The following SCHIP1 variants were observed in gnomAD, a reference collection of about 807,000 sequenced individuals.
SCHIP1 encodes the protein schwannomin interacting protein 1, also known as schwannomin-interacting protein 1.
A neutral mutation model predicts 29.7 loss-of-function variants in SCHIP1; 8 were observed. The ratio of observed to expected loss-of-function variants is 0.27; its 90% CI spans 0.16 to 0.49. The LOEUF (loss-of-function observed/expected upper bound fraction) is 0.49, where lower values mean the gene tolerates loss of function less well. Among genes scored for constraint, SCHIP1 ranks in the 20% least tolerant of loss-of-function variants. The pLI, the probability that SCHIP1 is intolerant of heterozygous loss-of-function variation, is 0.99. For synonymous variants in SCHIP1, 76 were observed against 94.9 expected, an observed-to-expected ratio of 0.80 and a Z score of 1.16; for missense variants, 193 against 294.6, an observed-to-expected ratio of 0.66 and a Z score of 2.52.
At chr3:159,615,146 G>A in the SCHIP1 span, among the ~76,000 whole-genome samples, 5 of 152,180 alleles carry the variant, frequency 3.3e-5, no homozygotes, top group African/African-American at 9.7e-5. Flanking sequence ...GGCATTCCAG[G>A]AAGAAGGTAC....
chr3:159,691,589 G>A, the SCHIP1 span, among the ~76,000 whole-genome samples: 1 of 151,920 alleles, frequency 6.6e-6, no homozygotes, highest in Admixed American at 6.6e-5. Context: ...GGGCCATTTA[G>A]CCCATTTACA....
chr3:159,684,935 G>C, the SCHIP1 span, among the ~76,000 whole-genome samples: 1 of 151,602 alleles, frequency 6.6e-6, no homozygotes, highest in East Asian at 1.9e-4. Context: ...GCTGGATCCT[G>C]CTTAACCTGA....
chr3:159,753,349 A>C, the SCHIP1 span, among the ~76,000 whole-genome samples: 1 of 152,120 alleles, frequency 6.6e-6, no homozygotes, highest in East Asian at 1.9e-4. Context: ...TCCAAAAAGG[A>C]TTCACTGTCT....
At chr3:159,741,401 G>A in the SCHIP1 span, among the ~76,000 whole-genome samples, 1,764 of 152,206 alleles carry the variant, frequency 0.012, 28 homozygotes, top group African/African-American at 0.04. Context: ...CCAGTTTCAT[G>A]GAATTTTAGA....
At chr3:159,455,070 G>A in the SCHIP1 span, among the ~76,000 whole-genome samples, 1 of 151,966 alleles carries the variant, frequency 6.6e-6, no homozygotes, top group Non-Finnish European at 1.5e-5. Context: ...TTACTGTAAA[G>A]GAAAAAAGAG....
chr3:159,379,131 T>C, the SCHIP1 span, among the ~76,000 whole-genome samples: 2 of 152,196 alleles, frequency 1.3e-5, no homozygotes, highest in Non-Finnish European at 2.9e-5. Context: ...TTTTATAGCC[T>C]GTGGTGGCTT....
chr3:159,610,373 G>A, the SCHIP1 span, among the ~76,000 whole-genome samples: 1 of 152,176 alleles, frequency 6.6e-6, no homozygotes, highest in East Asian at 1.9e-4. Context: ...CATTTTCCAG[G>A]CATGAATCCG....
chr3:159,828,396 CGT>C, the SCHIP1 span, among the ~76,000 whole-genome samples: 18 of 60,138 alleles, frequency 3.0e-4, 4 homozygotes, highest in Admixed American at 3.8e-3. Context: ...TACATATATA[CGT>C]ATATATATAC....
the SCHIP1 span, among the ~76,000 whole-genome samples, chr3:159,428,146 A>C: frequency 3.3e-5 from 5 of 151,680 alleles, no homozygotes; most frequent in Non-Finnish European, 7.4e-5. Context: ...CAAGGACTTC[A>C]TGTCTAAAAC....
the SCHIP1 span, among the ~76,000 whole-genome samples, chr3:159,317,150 T>C: frequency 6.6e-6 from 1 of 152,198 alleles, no homozygotes; most frequent in Non-Finnish European, 1.5e-5. Context: ...CTAATGGATC[T>C]CCTGTATTCC....
chr3:159,293,667 A>G, the SCHIP1 span, among the ~76,000 whole-genome samples: 1 of 152,250 alleles, frequency 6.6e-6, no homozygotes, highest in African/African-American at 2.4e-5. Flanking sequence ...AATAGGAGAC[A>G]TAAGTCTTTC....
At chr3:159,820,932 A>C in the SCHIP1 span, among the ~76,000 whole-genome samples, 1 of 152,246 alleles carries the variant, frequency 6.6e-6, no homozygotes, top group African/African-American at 2.4e-5. Context: ...GTCACTGTCC[A>C]GTACAACAGC....
the SCHIP1 span, chr3:159,398,970 A>C: frequency 2.5e-5 from 25 of 983,298 alleles, no homozygotes; most frequent in Non-Finnish European, 3.0e-5. Context: ...CAATTTGCCC[A>C]GTCTACAGCC....
At chr3:159,730,664 T>A in the SCHIP1 span, among the ~76,000 whole-genome samples, 16 of 152,064 alleles carry the variant, frequency 1.1e-4, no homozygotes, top group Non-Finnish European at 7.4e-5. Flanking sequence ...TTTGACCTCT[T>A]CCCTTAAAGA....
the SCHIP1 span, among the ~76,000 whole-genome samples, chr3:159,479,323 A>G: frequency 1.3e-5 from 2 of 152,090 alleles, no homozygotes; most frequent in South Asian, 4.1e-4. Flanking sequence ...ATTCACTAAA[A>G]TAAAGTTCAA....
At chr3:159,530,723 C>T in the SCHIP1 span, among the ~76,000 whole-genome samples, 2 of 152,218 alleles carry the variant, frequency 1.3e-5, no homozygotes, top group East Asian at 1.9e-4. Flanking sequence ...CTCTCAAACA[C>T]ATCCAGCCTG....
the SCHIP1 span, among the ~76,000 whole-genome samples, chr3:159,278,443 G>A: frequency 1.3e-3 from 197 of 152,248 alleles, 1 homozygote; most frequent in African/African-American, 4.7e-3. Context: ...ATTATCTCTA[G>A]CATAGAGATA....
chr3:159,487,293 A>G, the SCHIP1 span, among the ~76,000 whole-genome samples: 2 of 152,056 alleles, frequency 1.3e-5, no homozygotes, highest in East Asian at 1.9e-4. Context: ...GTTCGTCTTC[A>G]TTTTTCTATG....
chr3:159,383,514 T>C, the SCHIP1 span, among the ~76,000 whole-genome samples: 1 of 151,610 alleles, frequency 6.6e-6, no homozygotes, highest in African/African-American at 2.4e-5. Flanking sequence ...ACTGTAGCCT[T>C]GTAGTATAGT....
Sources: allele counts gnomAD v4.1 joint callset (sites outside exome capture counted in the v4.1 genomes callset), GRCh38; gene constraint gnomAD v4.1.1; transcripts MANE v1.5; gene names NCBI Gene and HGNC (gene_info 2026-07-23, HGNC 2026-07-21).